The following UBE2D2 variants were observed in gnomAD, a reference collection of about 807,000 sequenced individuals.
The protein encoded by UBE2D2 is ubiquitin-conjugating enzyme E2 D2.
UBE2D2 carries 2 observed loss-of-function variants against 24.2 expected under a neutral mutation model. The ratio of observed to expected loss-of-function variants is 0.08; its 90% confidence interval spans 0.03 to 0.26. UBE2D2 has a LOEUF of 0.26. Among genes scored for constraint, UBE2D2 ranks in the 10% least tolerant of loss-of-function variants. The pLI, the probability that UBE2D2 is intolerant of heterozygous loss-of-function variation, is 1.00. For missense variants in UBE2D2, 44 were observed against 177.6 expected (o/e 0.25, Z 4.28); for synonymous variants, 58 against 56.5 (o/e 1.03, Z -0.12).
At chr5:139,623,040 A>T (rs939143239) in intron 5 of UBE2D2, among the ~76,000 whole-genome samples, 11 of 152,000 alleles carry the variant, frequency 7.2e-5, no homozygotes, top group Admixed American at 2.0e-4. Flanking sequence ...CATCTCTACT[A>T]AAAATACAAA....
chr5:139,563,689 T>A (rs996447613), intron 1 of UBE2D2, among the ~76,000 whole-genome samples: 3 of 152,070 alleles, frequency 2.0e-5, no homozygotes, highest in Non-Finnish European at 2.9e-5. Context: ...TCCCAGCACT[T>A]TGGGAGGCTG....
chr5:139,553,203 A>G (rs545138317), intron 1 of UBE2D2, among the ~76,000 whole-genome samples: 1 of 152,198 alleles, frequency 6.6e-6, no homozygotes, highest in East Asian at 1.9e-4. Flanking sequence ...ACTATACCTT[A>G]CGAAATACCA....
chr5:139,591,549 T>G (rs913378718), intron 1 of UBE2D2, among the ~76,000 whole-genome samples: 1 of 152,184 alleles, frequency 6.6e-6, no homozygotes, highest in Non-Finnish European at 1.5e-5. Flanking sequence ...GATACATGTT[T>G]CCATCGGTTT....
In UBE2D2 at chr5:139,626,740, C is replaced by T; in HGVS notation, c.399-16C>T. 1 of 1,613,020 alleles carries T rather than the reference C, an allele frequency of 6.2e-7. No homozygotes were observed. Among genetic ancestry groups the T allele is most frequent in the Non-Finnish European group, 8.5e-7 (1 of 1,179,212 alleles). ...TCCACACCTATGTTAAGCCAAGCTT[C>T]TCTTTGTGTGTACAGGTACAACAGA... On this transcript the variant is annotated splice_polypyrimidine_tract_variant and intron_variant, in intron 6 of 6. Coordinates refer to ENST00000398733, the MANE Select transcript of UBE2D2 (RefSeq NM_003339.3).
chr5:139,575,359 G>A (rs1015564925), intron 1 of UBE2D2, among the ~76,000 whole-genome samples: 1 of 152,058 alleles, frequency 6.6e-6, no homozygotes, highest in Non-Finnish European at 1.5e-5. Context: ...GTTGACCTAC[G>A]GAATTGGTAT....
chr5:139,622,201 T>C (rs1754524503), intron 5 of UBE2D2, among the ~76,000 whole-genome samples: 1 of 152,128 alleles, frequency 6.6e-6, no homozygotes, highest in Non-Finnish European at 1.5e-5. Context: ...TCATTTAACA[T>C]TAATTTTCTG....
chr5:139,604,649 C>T (rs1754157847), intron 2 of UBE2D2, among the ~76,000 whole-genome samples: 1 of 152,078 alleles, frequency 6.6e-6, no homozygotes, highest in African/African-American at 2.4e-5. Flanking sequence ...ACTGGGGAGA[C>T]TGAGACTGGA....
chr5:139,559,034 C>G (rs150581531), upstream of UBE2D2, among the ~76,000 whole-genome samples: 13 of 152,140 alleles, frequency 8.5e-5, no homozygotes, highest in East Asian at 2.1e-3. Flanking sequence ...CTCCTGAGTT[C>G]AAGTGATCTT....
chr5:139,615,042 A>AAACATAAGTAATCT, intron 5 of UBE2D2, 76 bp downstream of exon 5: 4 of 1,345,242 alleles, frequency 3.0e-6, no homozygotes, highest in East Asian at 2.3e-5. Context: ...TTTTGAAAAG[A>AAACATAAGTAATCT]TTACTTATGT....
chr5:139,542,545 C>A (rs2126633185), intron 1 of UBE2D2, among the ~76,000 whole-genome samples: 1 of 152,030 alleles, frequency 6.6e-6, no homozygotes. Flanking sequence ...GGTCTCAAAC[C>A]CCTGACCTCA....
intron 1 of UBE2D2, among the ~76,000 whole-genome samples, chr5:139,545,765 C>T (rs977276628): frequency 2.0e-5 from 3 of 151,486 alleles, no homozygotes; most frequent in Non-Finnish European, 2.9e-5. Context: ...GCTCTGTCGC[C>T]CAGGCTGCAG....
rs1405539227 is a variant in UBE2D2, at chr5:139,627,313, T to C, written c.*512T>C. On this transcript the variant is annotated 3_prime_UTR_variant, in exon 7 of 7. Coordinates refer to ENST00000398733, the MANE Select transcript of UBE2D2 (RefSeq NM_003339.3). The stretch of plus-strand genomic sequence containing the variant: ...AAAGTTATGACCAACCAGATTAAAC[T>C]CTACCCACATCCTGCATTTTAAGGT... 6.5e-6 allele frequency: 1 copy of C among 153,860 alleles called. No individual in the cohort carries two copies. The highest frequency in any genetic ancestry group is 1.5e-5 in the Non-Finnish European group (1 of 68,896). 9.5% of individuals were successfully genotyped at this position (153,860 alleles called of 1,614,324 possible).
At chr5:139,608,714 C>T (rs1294150689) in intron 2 of UBE2D2, among the ~76,000 whole-genome samples, 1 of 152,176 alleles carries the variant, frequency 6.6e-6, no homozygotes, top group Non-Finnish European at 1.5e-5. Flanking sequence ...AGATTTTGAT[C>T]CCACAGCCTA....
upstream of UBE2D2, among the ~76,000 whole-genome samples, chr5:139,558,580 G>A (rs369440836): frequency 8.5e-4 from 129 of 152,122 alleles, no homozygotes; most frequent in African/African-American, 2.7e-3. Context: ...GAGCCACCGC[G>A]CCCAGCCAAT....
chr5:139,618,064 C>T (rs1018016783), intron 5 of UBE2D2, among the ~76,000 whole-genome samples: 14 of 151,994 alleles, frequency 9.2e-5, no homozygotes, highest in African/African-American at 2.4e-4. Context: ...ACCTCCACCT[C>T]CCGGGTTCAA....
intron 1 of UBE2D2, among the ~76,000 whole-genome samples, chr5:139,544,852 C>G (rs937895404): frequency 3.3e-5 from 5 of 151,956 alleles, no homozygotes; most frequent in Non-Finnish European, 5.9e-5. Flanking sequence ...TCTCGGCTCA[C>G]TGCAACCTCT....
intron 1 of UBE2D2, among the ~76,000 whole-genome samples, chr5:139,567,206 TCTC>T (rs775839778): frequency 4.0e-5 from 6 of 151,818 alleles, no homozygotes; most frequent in African/African-American, 7.3e-5. Flanking sequence ...TTCAAGCAAT[TCTC>T]CTGCGTCAGC....
chr5:139,606,826 G>C (rs1754209598), intron 2 of UBE2D2, among the ~76,000 whole-genome samples: 1 of 152,062 alleles, frequency 6.6e-6, no homozygotes, highest in Non-Finnish European at 1.5e-5. Flanking sequence ...CTTTTCTTGA[G>C]ACAGAGTCTC....
At chr5:139,596,861 C>T (rs572399773) in intron 1 of UBE2D2, among the ~76,000 whole-genome samples, 135 of 151,878 alleles carry the variant, frequency 8.9e-4, no homozygotes, top group African/African-American at 2.9e-3. Flanking sequence ...CCTGCTAACA[C>T]GGTGAAACCC....
Sources: allele counts gnomAD v4.1 joint callset (sites outside exome capture counted in the v4.1 genomes callset), GRCh38; gene constraint gnomAD v4.1.1; transcripts MANE v1.5; gene names NCBI Gene and HGNC (gene_info 2026-07-23, HGNC 2026-07-21).